The following LAMA2 variants were observed in gnomAD, a reference collection of about 807,000 sequenced individuals.
LAMA2 encodes the protein laminin subunit alpha 2, also known as laminin subunit alpha-2.
LAMA2 carries 269 observed loss-of-function variants against 364.8 expected under a neutral mutation model. The ratio of observed to expected loss-of-function variants is 0.74; its 90% confidence interval spans 0.67 to 0.82. The LOEUF (loss-of-function observed/expected upper bound fraction) is 0.82. Among genes scored for constraint, LAMA2 ranks in the 40% least tolerant of loss-of-function variants. LAMA2 has a pLI of 0.00. For synonymous variants in LAMA2, 1,379 were observed against 1,370.6 expected, an observed-to-expected ratio of 1.01 and a Z score of -0.14; for missense variants, 3,807 against 3,873.2, an observed-to-expected ratio of 0.98 and a Z score of 0.45.
intron 3 of LAMA2, among the ~76,000 whole-genome samples, chr6:129,066,402 T>C (rs1789357004): frequency 6.6e-6 from 1 of 152,126 alleles, no homozygotes; most frequent in Admixed American, 6.5e-5. Flanking sequence ...GAAAGACTGG[T>C]ACACTGAAAA....
At chr6:129,296,597 A>C (rs1773196497) in intron 20 of LAMA2, among the ~76,000 whole-genome samples, 1 of 152,094 alleles carries the variant, frequency 6.6e-6, no homozygotes, top group African/African-American at 2.4e-5. Context: ...AACTACTAAC[A>C]ATAATATCTA....
chr6:129,095,754 C>CAAAAAA, intron 3 of LAMA2, among the ~76,000 whole-genome samples: 1 of 93,986 alleles, frequency 1.1e-5, no homozygotes, highest in Non-Finnish European at 2.4e-5. Flanking sequence ...CTACTAAATA[C>CAAAAAA]AAAAAAAAAA....
chr6:129,031,658 G>C (rs1174703532), intron 1 of LAMA2, among the ~76,000 whole-genome samples: 1 of 152,104 alleles, frequency 6.6e-6, no homozygotes, highest in Non-Finnish European at 1.5e-5. Context: ...ATTATTTCTG[G>C]GCTTCCAAGT....
At chr6:129,278,021 G>A (rs150792994) in intron 17 of LAMA2, among the ~76,000 whole-genome samples, 1,784 of 152,088 alleles carry the variant, frequency 0.012, 38 homozygotes, top group African/African-American at 0.041. Flanking sequence ...GGCCAATATG[G>A]TGAGACCCCA....
chr6:128,912,493 A>G (rs1333736614), intron 1 of LAMA2, among the ~76,000 whole-genome samples: 1 of 152,232 alleles, frequency 6.6e-6, no homozygotes, highest in Admixed American at 6.5e-5. Context: ...TATTTTGTTT[A>G]ACTTTTAAAG....
At chr6:129,066,612 T>TGCTGAACA (rs60664204) in intron 3 of LAMA2, among the ~76,000 whole-genome samples, 1 of 151,936 alleles carries the variant, frequency 6.6e-6, no homozygotes, top group Non-Finnish European at 1.5e-5. Context: ...CCACAAAAGG[T>TGCTGAACA]GCTAAAGCAA....
At chr6:128,925,752 C>A (rs1779047898) in intron 1 of LAMA2, among the ~76,000 whole-genome samples, 1 of 152,126 alleles carries the variant, frequency 6.6e-6, no homozygotes, top group Admixed American at 6.5e-5. Flanking sequence ...TGTCTTTATT[C>A]TTTAGTTCTG....
At chr6:129,418,172 T>C (rs1285721902) in intron 40 of LAMA2, among the ~76,000 whole-genome samples, 1 of 152,114 alleles carries the variant, frequency 6.6e-6, no homozygotes, top group African/African-American at 2.4e-5. Context: ...TTGGTGACTG[T>C]GGTGTTTTGT....
At position 129,235,348 on chromosome 6, in the gene LAMA2, CCT is replaced by C. The variant is rs543661695; in HGVS notation, c.1783-14763_1783-14762del. On this transcript the variant is annotated intron_variant, in intron 12 of 64. Transcript: ENST00000421865. ...AAGACTCAAAGACACTGGTGCTCCC[CCT>C]GTGTCTCCCTTCACTTATTCTGCAT... 2.1e-3 allele frequency among the ~76,000 whole-genome samples: 323 copies of C among 152,278 alleles called. 3 individuals carry two copies. Among genetic ancestry groups the C allele is most frequent in the African/African-American group, 7.4e-3 (308 of 41,566 alleles).
At chr6:129,268,141 T>G (rs2114348203) in intron 16 of LAMA2, among the ~76,000 whole-genome samples, 1 of 152,182 alleles carries the variant, frequency 6.6e-6, no homozygotes, top group African/African-American at 2.4e-5. Context: ...TTCAGGGCTT[T>G]TGTTTCAGTG....
intron 1 of LAMA2, among the ~76,000 whole-genome samples, chr6:128,935,211 C>G (rs1490233658): frequency 6.6e-6 from 1 of 151,434 alleles, no homozygotes; most frequent in Non-Finnish European, 1.5e-5. Context: ...TATCCCTCCC[C>G]CAGCCCCACA....
At chr6:129,335,795 A>G (rs766736351) in intron 29 of LAMA2, among the ~76,000 whole-genome samples, 1 of 152,212 alleles carries the variant, frequency 6.6e-6, no homozygotes, top group Non-Finnish European at 1.5e-5. Flanking sequence ...CAACCTATAA[A>G]GCCTTGAACA....
chr6:129,059,342 T>C (rs78053560), intron 2 of LAMA2, among the ~76,000 whole-genome samples: 1 of 152,202 alleles, frequency 6.6e-6, no homozygotes, highest in East Asian at 1.9e-4. Context: ...AGGGCAAGTG[T>C]TCAAGTGTAT....
intron 40 of LAMA2, among the ~76,000 whole-genome samples, chr6:129,427,453 T>C (rs879704391): frequency 6.6e-6 from 1 of 152,234 alleles, no homozygotes; most frequent in African/African-American, 2.4e-5. Flanking sequence ...CATAGTGTTA[T>C]GCTCTCCTAA....
At chr6:129,233,442 T>A (rs1475003058) in intron 12 of LAMA2, among the ~76,000 whole-genome samples, 1 of 152,194 alleles carries the variant, frequency 6.6e-6, no homozygotes, top group Non-Finnish European at 1.5e-5. Context: ...ATTAACATAT[T>A]TTGTATTTCA....
chr6:129,182,348 A>G (rs534663674), intron 10 of LAMA2, among the ~76,000 whole-genome samples: 1 of 151,638 alleles, frequency 6.6e-6, no homozygotes, highest in South Asian at 2.1e-4. Flanking sequence ...GTATCTTTGA[A>G]GGTGATAAAA....
chr6:129,388,936 C>G (rs1371427273), intron 35 of LAMA2, among the ~76,000 whole-genome samples: 4 of 152,126 alleles, frequency 2.6e-5, no homozygotes, highest in African/African-American at 9.7e-5. Flanking sequence ...AAGCAGAAAG[C>G]TTCTTACATT....
chr6:129,201,428 C>T lies in LAMA2; in HGVS notation c.1782+8575C>T, dbSNP rs553901205. Among the ~76,000 whole-genome samples, 441 of 152,280 alleles carry T rather than the reference C, an allele frequency of 2.9e-3. 2 individuals are homozygous for T. Among genetic ancestry groups the T allele is most frequent in the African/African-American group, 0.01 (425 of 41,540 alleles). ...TGAGTTGCAAATATGTGAAAGAAAA[C>T]TACCTAAGGCTAATGAAAGAATCAC... On this transcript the variant is annotated intron_variant, in intron 12 of 64. Coordinates refer to ENST00000421865, the MANE Select transcript of LAMA2 (RefSeq NM_000426.4).
chr6:129,007,692 A>G (rs1279096351), intron 1 of LAMA2, among the ~76,000 whole-genome samples: 1 of 152,120 alleles, frequency 6.6e-6, no homozygotes. Context: ...TTTGTTCAGT[A>G]TTTTCTGATG....
Sources: gnomAD v4.1 joint callset for allele counts (sites outside exome capture counted in the v4.1 genomes callset) on GRCh38, gnomAD v4.1.1 for gene constraint, MANE v1.5 for transcripts, NCBI Gene and HGNC (gene_info 2026-07-23, HGNC 2026-07-21) for gene names.